The following SCYL3 variants were observed in gnomAD, a reference collection of about 807,000 sequenced individuals.
SCYL3 encodes the protein protein-associating with the carboxyl-terminal domain of ezrin.
SCYL3 carries 35 observed loss-of-function variants against 73.8 expected under a neutral mutation model. The ratio of observed to expected loss-of-function variants is 0.47; its 90% CI spans 0.36 to 0.63. The LOEUF is 0.63. SCYL3 is among the 20% of genes least tolerant of loss of function. The pLI is 0.00. For synonymous variants in SCYL3, 277 were observed against 295.2 expected, an observed-to-expected ratio of 0.94 and a Z score of 0.63; for missense variants, 712 against 798.9, an observed-to-expected ratio of 0.89 and a Z score of 1.31.
At chr1:169,885,634 T>A (rs1258683227) in intron 2 of SCYL3, among the ~76,000 whole-genome samples, 1 of 152,122 alleles carries the variant, frequency 6.6e-6, no homozygotes, top group African/African-American at 2.4e-5. Context: ...ATCTGAAGGT[T>A]AGATCATAAA....
chr1:169,892,744 C>T (rs2102224633), intron 1 of SCYL3, among the ~76,000 whole-genome samples: 1 of 152,284 alleles, frequency 6.6e-6, no homozygotes, highest in East Asian at 1.9e-4. Flanking sequence ...ATTTCTGGAC[C>T]GCTTGTAGAT....
At chr1:169,862,122 A>C (rs371893964) in intron 10 of SCYL3, among the ~76,000 whole-genome samples, 1 of 152,248 alleles carries the variant, frequency 6.6e-6, no homozygotes, top group African/African-American at 2.4e-5. Context: ...TATTGCTTTA[A>C]GCCATTATAA....
In SCYL3 at chr1:169,862,595, G is replaced by A; in HGVS notation, c.1140+18C>T. On this transcript the variant is annotated intron_variant, in intron 10 of 12. Coordinates refer to ENST00000367771, the MANE Select transcript of SCYL3 (RefSeq NM_020423.7). ...CCTCAGGTTCTGTGACTACCCCACT[G>A]CAAACTTGGCCTCTGACCTGTGGCA... 3.1e-6 allele frequency: 5 copies of A among 1,612,892 alleles called. No homozygotes were observed. Among genetic ancestry groups the A allele is most frequent in the Non-Finnish European group, 3.4e-6 (4 of 1,179,052 alleles).
intron 7 of SCYL3, among the ~76,000 whole-genome samples, chr1:169,867,443 C>G (rs1660108578): frequency 6.6e-6 from 1 of 152,164 alleles, no homozygotes; most frequent in South Asian, 2.1e-4. Context: ...TTCAGCCAGG[C>G]AGGGATTAGT....
At chr1:169,883,258 G>A (rs1207796611) in intron 2 of SCYL3, among the ~76,000 whole-genome samples, 1 of 152,162 alleles carries the variant, frequency 6.6e-6, no homozygotes, top group Non-Finnish European at 1.5e-5. Flanking sequence ...TACTGCTGCT[G>A]ATCTGACAGG....
chr1:169,851,968 T>G lies in SCYL3; in HGVS notation c.*1745A>C. The G allele has an allele frequency of 6.2e-7, 1 of 1,613,820 alleles. No homozygotes were observed. The highest frequency in any genetic ancestry group is 8.5e-7 in the Non-Finnish European group (1 of 1,179,846). On this transcript the variant is annotated 3_prime_UTR_variant, in exon 13 of 13. Transcript: ENST00000367771. ...GCTGATTTCAATAGGGGCCAAACTT[T>G]AACAAGGCAAATTCTGCCCTTTTTA...
At position 169,850,964 on chromosome 1, in the gene SCYL3, T is replaced by A; in HGVS notation, c.*2749A>T. On this transcript the variant is annotated 3_prime_UTR_variant, in exon 13 of 13. Transcript: ENST00000367771. The stretch of plus-strand genomic sequence containing the variant: ...AGGATGTTTACTACCATATTTTGGG[T>A]ATAATTTAGGCATGGCTTTTTTTTT... The A allele has an allele frequency of 7.2e-6, 1 of 139,116 alleles. No homozygotes were observed. Among genetic ancestry groups the A allele is most frequent in the South Asian group, 2.3e-4 (1 of 4,298 alleles). 8.6% of individuals were successfully genotyped at this position (139,116 alleles called of 1,614,324 possible).
At chr1:169,858,934 ACTT>A (rs761955790) in intron 11 of SCYL3, 104 bp downstream of exon 11, 99 of 942,212 alleles carry the variant, frequency 1.1e-4, no homozygotes, top group Non-Finnish European at 1.5e-4. Flanking sequence ...TTTTATTTAT[ACTT>A]CTTTATATCA....
In SCYL3 at chr1:169,852,666, A is replaced by T; in HGVS notation, c.*1047T>A. Reference sequence around the variant, plus strand: ...TGACTGTGTAGGGGTTTTGGGGTGCATCCTCCTACCCTTGTGATCCAATGA... The same window carrying T: ...TGACTGTGTAGGGGTTTTGGGGTGCTTCCTCCTACCCTTGTGATCCAATGA... On this transcript the variant is annotated 3_prime_UTR_variant, in exon 13 of 13. Transcript: ENST00000367771. 1 of 1,011,626 alleles carries T rather than the reference A, an allele frequency of 9.9e-7. No homozygotes were observed. Among genetic ancestry groups the T allele is most frequent in the Non-Finnish European group, 1.5e-6 (1 of 688,952 alleles). 62.7% of individuals were successfully genotyped at this position (1,011,626 alleles called of 1,614,324 possible). A position where few individuals can be genotyped will look rare whatever the true frequency, so the allele number is the denominator to read the frequency against.
chr1:169,883,288 A>G (rs1249101938), intron 2 of SCYL3, among the ~76,000 whole-genome samples: 1 of 152,136 alleles, frequency 6.6e-6, no homozygotes, highest in Non-Finnish European at 1.5e-5. Context: ...TCAGATGGTA[A>G]TGCTCGCGTG....
At chr1:169,857,819 G>GGTAT (rs1659307704) in intron 11 of SCYL3, among the ~76,000 whole-genome samples, 1 of 152,106 alleles carries the variant, frequency 6.6e-6, no homozygotes, top group South Asian at 2.1e-4. Flanking sequence ...AAACATAGAT[G>GGTAT]GTATAGCCTA....
chr1:169,885,223 T>C (rs1166279616), intron 2 of SCYL3, among the ~76,000 whole-genome samples: 1 of 152,242 alleles, frequency 6.6e-6, no homozygotes, highest in Non-Finnish European at 1.5e-5. Flanking sequence ...TTATCAATGA[T>C]GATATTTTTC....
intron 7 of SCYL3, among the ~76,000 whole-genome samples, chr1:169,867,372 A>C (rs1026977142): frequency 6.6e-6 from 1 of 152,224 alleles, no homozygotes; most frequent in African/African-American, 2.4e-5. Context: ...AGATTGTGGA[A>C]AGTGGAATTT....
At chr1:169,863,115 G>A (rs985827770) in intron 9 of SCYL3, among the ~76,000 whole-genome samples, 1 of 152,122 alleles carries the variant, frequency 6.6e-6, no homozygotes, top group Non-Finnish European at 1.5e-5. Context: ...GTTTCACCAT[G>A]TTGGCCAGGC....
intron 1 of SCYL3, among the ~76,000 whole-genome samples, chr1:169,892,210 A>G (rs1247965904): frequency 1.3e-5 from 2 of 152,238 alleles, no homozygotes; most frequent in African/African-American, 2.4e-5. Context: ...TCACACTAAT[A>G]TATCTAAAGA....
intron 11 of SCYL3, chr1:169,855,740 C>G: frequency 6.6e-7 from 1 of 1,523,632 alleles, no homozygotes. Context: ...GCTTATTAGT[C>G]TCAGGAAAAC....
intron 3 of SCYL3, among the ~76,000 whole-genome samples, chr1:169,876,946 C>A (rs1299306616): frequency 2.8e-5 from 3 of 109,016 alleles, no homozygotes; most frequent in South Asian, 6.6e-4. Flanking sequence ...CAGAGTGAGA[C>A]CTTGTCTCAA....
At chr1:169,857,680 T>A (rs532679641) in intron 11 of SCYL3, among the ~76,000 whole-genome samples, 1 of 152,352 alleles carries the variant, frequency 6.6e-6, no homozygotes, top group East Asian at 1.9e-4. Context: ...TGTTGTTACT[T>A]GAAAACAAAT....
At chr1:169,876,941 T>C (rs556035267) in intron 3 of SCYL3, among the ~76,000 whole-genome samples, 83 of 106,942 alleles carry the variant, frequency 7.8e-4, no homozygotes, top group Admixed American at 2.3e-3. Flanking sequence ...GGCGACAGAG[T>C]GAGACCTTGT....
Sources: allele counts gnomAD v4.1 joint callset (sites outside exome capture counted in the v4.1 genomes callset), GRCh38; gene constraint gnomAD v4.1.1; transcripts MANE v1.5; gene names NCBI Gene and HGNC (gene_info 2026-07-23, HGNC 2026-07-21).